NMRK1: variants seen among roughly 807,000 people sequenced by gnomAD.
NMRK1 encodes the protein nicotinamide riboside kinase 1.
In NMRK1, 28 loss-of-function variants were observed where a neutral mutation model predicts 29.9. The observed-to-expected ratio is 0.94, with a 90% confidence interval of 0.69 to 1.28. The LOEUF is 1.28. Ranked by LOEUF, NMRK1 falls within the 50% of genes most tolerant of loss-of-function variation. NMRK1 has a pLI of 0.00. For missense variants in NMRK1, 218 were observed against 233.1 expected (o/e 0.94, Z 0.42); for synonymous variants, 58 against 73.0 (o/e 0.79, Z 1.05).
intron 4 of NMRK1, among the ~76,000 whole-genome samples, chr9:75,072,940 T>C (rs1163991472): frequency 6.6e-6 from 1 of 152,236 alleles, no homozygotes; most frequent in East Asian, 1.9e-4. Flanking sequence ...GTTAATTGTA[T>C]TGTTCAAATC....
At chr9:75,069,374 T>G (rs112853154) in intron 6 of NMRK1, 2 of 477,236 alleles carry the variant, frequency 4.2e-6, no homozygotes, top group Non-Finnish European at 7.4e-6. Context: ...AAGAGACAAA[T>G]AGTGTAAATA....
intron 7 of NMRK1, 48 bp from the exon 8 acceptor site, chr9:75,066,888 T>C: frequency 1.9e-6 from 2 of 1,050,986 alleles, no homozygotes; most frequent in Middle Eastern, 2.1e-4. Context: ...GGCTTATTAA[T>C]ATACAATGTT....
intron 8 of NMRK1, among the ~76,000 whole-genome samples, chr9:75,062,661 T>C (rs1001259593): frequency 5.3e-5 from 8 of 152,246 alleles, no homozygotes; most frequent in Non-Finnish European, 2.9e-5. Context: ...AAAGACTGGA[T>C]GTGTACTCAT....
intron 1 of NMRK1, among the ~76,000 whole-genome samples, chr9:75,087,284 T>C (rs1395605831): frequency 6.6e-6 from 1 of 152,198 alleles, no homozygotes; most frequent in African/African-American, 2.4e-5. Flanking sequence ...TCCCCAAATA[T>C]ACAATTAATT....
intron 1 of NMRK1, among the ~76,000 whole-genome samples, chr9:75,084,344 A>T (rs1204049644): frequency 6.6e-6 from 1 of 152,132 alleles, no homozygotes; most frequent in East Asian, 1.9e-4. Flanking sequence ...CTCCCTGGGG[A>T]GGGGTTATGC....
At chr9:75,062,029 T>C (rs1359004596) in intron 8 of NMRK1, among the ~76,000 whole-genome samples, 2 of 152,234 alleles carry the variant, frequency 1.3e-5, no homozygotes, top group East Asian at 3.8e-4. Context: ...CAGCTGATGT[T>C]GCAAAGCACA....
rs1381567697 is a variant in NMRK1, at chr9:75,069,036, T to C, written c.456A>G (p.Leu152=). Residue 152 remains leucine, a synonymous_variant, in exon 7 of 9, where the codon CTA becomes CTG. Coordinates refer to ENST00000361092, the MANE Select transcript of NMRK1 (RefSeq NM_017881.3). Reference sequence around the variant, plus strand: ...TGTCCTGCATTTCTTGTCTGTACTTTAGATACATGGGCCACACATGGCCAT... The same window carrying C: ...TGTCCTGCATTTCTTGTCTGTACTTCAGATACATGGGCCACACATGGCCAT... The part of the protein sequence containing the change: ...YFDGHVWPMY[L]KYRQEMQDIT... 5.0e-6 allele frequency: 8 copies of C among 1,614,196 alleles called. No individual in the cohort carries two copies. The South Asian group carries it at 6.6e-5, about 13-fold the overall frequency.
rs1030220346 is a variant in NMRK1 at position 75,066,165 on chromosome 9, A to G, written c.580+592T>C. On this transcript the variant is annotated intron_variant, in intron 8 of 8. Transcript: ENST00000361092. ...TAACTCCTACAAGCTTAGAGTTCCA[A>G]CAATGGAACACTAGGCATAAATGAG... The G allele has an allele frequency of 3.4e-4, 150 of 435,412 alleles. 1 individual carries two copies. The highest frequency in any genetic ancestry group is 2.4e-3 in the South Asian group (141 of 57,950). The allele number at this position is 435,412 out of a possible 1,614,324, so 27.0% of individuals were successfully genotyped here.
Position 75,066,755 on chromosome 9 carries a change from A to G in NMRK1, c.580+2T>C. 2.6e-6 allele frequency: 4 copies of G among 1,542,800 alleles called. No homozygotes were observed. Among genetic ancestry groups the G allele is most frequent in the Non-Finnish European group, 3.6e-6 (4 of 1,115,132 alleles). On this transcript the variant is annotated splice_donor_variant, in intron 8 of 8. Coordinates refer to ENST00000361092, the MANE Select transcript of NMRK1 (RefSeq NM_017881.3). LOFTEE classifies it high-confidence loss of function. ...CATCCACTTTGTTAGCACAATACTT[A>G]CACTTTTGCTTTGCTAGTTCTTGTA...
chr9:75,069,989 C>T lies in NMRK1; in HGVS notation c.223G>A (p.Glu75Lys). Reference protein sequence around the residue: ...KMMSAISCWMESARHSVVSTD... With the variant: ...KMMSAISCWMKSARHSVVSTD... The stretch of plus-strand genomic sequence containing the variant: ...GATACCACAGAGTGTCTTGCGCTTT[C>T]CATCCAGCAGGAAATGGCTGACATC... Residue 75 changes from glutamate to lysine, a missense_variant, in exon 5 of 9, where the codon GAA (glutamate) becomes AAA (lysine). Glu to Lys is a moderately conservative substitution (Grantham distance 56). Transcript: ENST00000361092. 6.2e-7 allele frequency: 1 copy of T among 1,613,780 alleles called. No homozygotes were observed. Among genetic ancestry groups the T allele is most frequent in the Non-Finnish European group, 8.5e-7 (1 of 1,179,858 alleles).
chr9:75,080,464 C>CTTG (rs1240285493), intron 2 of NMRK1, among the ~76,000 whole-genome samples: 1 of 152,144 alleles, frequency 6.6e-6, no homozygotes, highest in East Asian at 1.9e-4. Flanking sequence ...CCAGCCTGGT[C>CTTG]AACATGGTGA....
At chr9:75,081,686 G>A (rs1417337902) in intron 2 of NMRK1, among the ~76,000 whole-genome samples, 1 of 152,124 alleles carries the variant, frequency 6.6e-6, no homozygotes, top group Admixed American at 6.6e-5. Context: ...GTCCGGTTGG[G>A]ACTGCTCCCA....
chr9:75,062,606 A>T (rs1453150120), intron 8 of NMRK1, among the ~76,000 whole-genome samples: 1 of 152,220 alleles, frequency 6.6e-6, no homozygotes, highest in African/African-American at 2.4e-5. Flanking sequence ...GATTAACTAC[A>T]CTGTCCTTGC....
At chr9:75,081,737 A>G (rs1376269792) in intron 2 of NMRK1, among the ~76,000 whole-genome samples, 3 of 152,200 alleles carry the variant, frequency 2.0e-5, no homozygotes, top group Non-Finnish European at 2.9e-5. Flanking sequence ...TAAACCAATC[A>G]GTGTAATCCC....
intron 2 of NMRK1, chr9:75,078,478 C>T: frequency 1.4e-6 from 2 of 1,454,594 alleles, no homozygotes; most frequent in Non-Finnish European, 1.8e-6. Context: ...CACTGAGTTA[C>T]TCCTCTTTAG....
chr9:75,070,969 C>A (rs1438490406), intron 4 of NMRK1, among the ~76,000 whole-genome samples: 2 of 151,592 alleles, frequency 1.3e-5, no homozygotes, highest in African/African-American at 4.8e-5. Flanking sequence ...TATTTGTAAT[C>A]TGTTCCTTCT....
intron 2 of NMRK1, among the ~76,000 whole-genome samples, chr9:75,080,211 G>A (rs557299711): frequency 6.6e-6 from 1 of 152,192 alleles, no homozygotes; most frequent in Non-Finnish European, 1.5e-5. Flanking sequence ...ACTAGTCCAT[G>A]TTAAGTAATG....
At chr9:75,084,696 G>A (rs966287976) in intron 1 of NMRK1, among the ~76,000 whole-genome samples, 1 of 152,196 alleles carries the variant, frequency 6.6e-6, no homozygotes, top group Non-Finnish European at 1.5e-5. Flanking sequence ...AGGCTGAGGT[G>A]GGAGGATTGC....
At chr9:75,067,720 T>C (rs1413447324) in intron 7 of NMRK1, among the ~76,000 whole-genome samples, 1 of 152,134 alleles carries the variant, frequency 6.6e-6, no homozygotes, top group East Asian at 1.9e-4. Context: ...AGCAAGAGGA[T>C]GTTCTTGCAA....
Sources: gnomAD v4.1 joint callset for allele counts (sites outside exome capture counted in the v4.1 genomes callset) on GRCh38, gnomAD v4.1.1 for gene constraint, MANE v1.5 for transcripts, NCBI Gene and HGNC (gene_info 2026-07-23, HGNC 2026-07-21) for gene names.